PDZD2: variants seen among roughly 807,000 people sequenced by gnomAD.
PDZD2 encodes PDZ domain containing 2, also known as PDZ domain-containing protein 2.
In PDZD2, 90 loss-of-function variants were observed where a neutral mutation model predicts 220.7. The observed-to-expected ratio is 0.41, with a 90% confidence interval of 0.34 to 0.49. The LOEUF is 0.49. PDZD2 is among the 20% of genes least tolerant of loss of function. The pLI is 0.28. For missense variants in PDZD2, 3,174 were observed against 3,608.5 expected (o/e 0.88, Z 3.08); for synonymous variants, 1,375 against 1,450.5 (o/e 0.95, Z 1.18).
chr5:32,076,738 T>C lies in PDZD2; in HGVS notation c.3538-724T>C, dbSNP rs1741340761. ...CACCTCTGTCTAGTTCTGAAACTCC[T>C]CTACTGTTTTTATGTTACATTTGTG... On this transcript the variant is annotated intron_variant, in intron 18 of 24. Transcript: ENST00000438447. Among the ~76,000 whole-genome samples, 5 of 152,226 alleles carry C rather than the reference T, an allele frequency of 3.3e-5. No homozygotes were observed. In the South Asian group the frequency reaches 1.0e-3, roughly 32 times the overall value.
Position 31,799,489 on chromosome 5 carries a change from G to A in PDZD2, c.241G>A (p.Glu81Lys). The A allele has an allele frequency of 1.2e-6, 2 of 1,614,232 alleles. No individual in the cohort carries two copies. The highest frequency in any genetic ancestry group is 1.7e-6 in the Non-Finnish European group (2 of 1,180,040). ...CCTCACCAAGGAGCTGGGGGACACA[G>A]AGACTGTGGGCCTGAGTTTTGGGAA... ...VYLTKELGDT[E>K]TVGLSFGNIP... Residue 81 changes from glutamate to lysine, a missense_variant, in exon 2 of 25, where the codon GAG becomes AAG. By Grantham distance (56) the Glu-to-Lys change is moderately conservative. Coordinates refer to ENST00000438447, the MANE Select transcript of PDZD2 (RefSeq NM_178140.4).
intron 1 of PDZD2, among the ~76,000 whole-genome samples, chr5:31,792,333 T>C (rs1753775592): frequency 6.6e-6 from 1 of 152,178 alleles, no homozygotes; most frequent in Non-Finnish European, 1.5e-5. Context: ...GTCCAATGGG[T>C]CTGGGTTCTA....
chr5:32,048,521 C>T lies in PDZD2; in HGVS notation c.1520-18C>T. 1 of 1,608,574 alleles carries T rather than the reference C, an allele frequency of 6.2e-7. No individual in the cohort carries two copies. The highest frequency in any genetic ancestry group is 8.5e-7 in the Non-Finnish European group (1 of 1,175,134). On this transcript the variant is annotated intron_variant, in intron 7 of 24. Transcript: ENST00000438447. ...TTTGTCCCATATCAAACTATGTTTT[C>T]TCCTCTGTTTTCTCAAGGGGGTGTA...
At chr5:31,756,494 C>A (rs983701292) in intron 1 of PDZD2, among the ~76,000 whole-genome samples, 2 of 152,328 alleles carry the variant, frequency 1.3e-5, no homozygotes, top group Non-Finnish European at 1.5e-5. Flanking sequence ...CTTGGGCCCA[C>A]AAGAAGTCCT....
intron 12 of PDZD2, among the ~76,000 whole-genome samples, chr5:32,058,698 C>T (rs1462293412): frequency 6.7e-6 from 1 of 149,178 alleles, no homozygotes; most frequent in Non-Finnish European, 1.5e-5. Flanking sequence ...AAAAAATTCA[C>T]CGGTGAGCTT....
chr5:32,086,843 ATT>A (rs10710224), intron 19 of PDZD2, among the ~76,000 whole-genome samples: 1,825 of 85,208 alleles, frequency 0.021, 43 homozygotes, highest in African/African-American at 0.061. Flanking sequence ...TGCCCAGCTA[ATT>A]TTTTTTTTTT....
At chr5:31,677,207 C>T (rs556817572) in intron 1 of PDZD2, among the ~76,000 whole-genome samples, 3 of 152,262 alleles carry the variant, frequency 2.0e-5, no homozygotes, top group South Asian at 2.1e-4. Context: ...GGAATGACAG[C>T]GGATTATTGT....
chr5:31,669,980 A>G (rs376274076), intron 1 of PDZD2, among the ~76,000 whole-genome samples: 7 of 152,324 alleles, frequency 4.6e-5, no homozygotes, highest in African/African-American at 1.7e-4. Flanking sequence ...CCCTGCAAGC[A>G]GGCACTATTA....
chr5:31,944,035 TG>T (rs1212849268), intron 2 of PDZD2, among the ~76,000 whole-genome samples: 5 of 152,242 alleles, frequency 3.3e-5, no homozygotes, highest in African/African-American at 1.2e-4. Flanking sequence ...TCAGTTAGTC[TG>T]TTTAGCAACT....
At chr5:31,869,549 G>A (rs902540276) in intron 2 of PDZD2, among the ~76,000 whole-genome samples, 1 of 151,948 alleles carries the variant, frequency 6.6e-6, no homozygotes, top group South Asian at 2.1e-4. Context: ...GGGCGACAGA[G>A]CGAGACTCTG....
chr5:31,932,639 T>A (rs1251468870), intron 2 of PDZD2, among the ~76,000 whole-genome samples: 1 of 152,194 alleles, frequency 6.6e-6, no homozygotes, highest in African/African-American at 2.4e-5. Flanking sequence ...TTTAATAAAT[T>A]TAAATGTATA....
chr5:31,912,130 A>G (rs1743261904), intron 2 of PDZD2, among the ~76,000 whole-genome samples: 2 of 152,316 alleles, frequency 1.3e-5, no homozygotes, highest in South Asian at 4.1e-4. Flanking sequence ...AACAAATACC[A>G]TAAATGAGAC....
rs1743916582 is a variant in PDZD2 at position 32,098,279 on chromosome 5, A to C, written c.7948-85A>C. 1.2e-5 allele frequency: 16 copies of C among 1,311,136 alleles called. No homozygotes were observed. The highest frequency in any genetic ancestry group is 5.5e-5 in the South Asian group (4 of 73,238). 81.2% of individuals were successfully genotyped at this position (1,311,136 alleles called of 1,614,324 possible). ...TAAAAAAGGAAGGTTCCTTTACTAC[A>C]GATACGCAGTTAGTTACTATCTCCC... On this transcript the variant is annotated intron_variant, in intron 22 of 24. Coordinates refer to ENST00000438447, the MANE Select transcript of PDZD2 (RefSeq NM_178140.4). This position sits in a 1 kb window ranked among gnomAD's most constrained non-coding sequence, Gnocchi z 4.1.
chr5:32,088,687 T>C lies in PDZD2; in HGVS notation c.5239T>C (p.Tyr1747His), dbSNP rs781021130. Residue 1747 changes from tyrosine (Y) to histidine (H), a missense_variant, in exon 20 of 25, where the codon TAC becomes CAC. This residue lies in a region of PDZD2 where 1,861 missense variants were observed against 2,001.0 expected (regional missense o/e 0.93). Transcript: ENST00000438447. This position sits in a 1 kb window ranked among gnomAD's most constrained non-coding sequence, Gnocchi z 4.6. The part of the protein sequence containing the change: ...DLLDDETLNQ[Y>H]ETSINAAASL... ...GCTAGATGACGAAACCCTGAATCAA[T>C]ACGAAACAAGCATTAATGCAGCTGC... 21 of 1,613,796 alleles carry C rather than the reference T, an allele frequency of 1.3e-5. No homozygotes were observed. Among genetic ancestry groups the C allele is most frequent in the Non-Finnish European group, 1.7e-5 (20 of 1,179,908 alleles).
intron 2 of PDZD2, among the ~76,000 whole-genome samples, chr5:31,808,019 C>G (rs750903688): frequency 2.0e-4 from 30 of 152,160 alleles, no homozygotes; most frequent in Non-Finnish European, 3.4e-4. Flanking sequence ...AGATTTTAAA[C>G]AGTGTCAAGA....
chr5:31,830,808 A>T (rs927122828), intron 2 of PDZD2, among the ~76,000 whole-genome samples: 3 of 152,214 alleles, frequency 2.0e-5, no homozygotes, highest in Non-Finnish European at 4.4e-5. Context: ...TAGAAAGGAC[A>T]CTTCTTGAGA....
In PDZD2 at chr5:32,072,179, T is replaced by A; in HGVS notation, c.2587T>A (p.Ser863Thr). The A allele has an allele frequency of 1.2e-6, 2 of 1,611,080 alleles. No individual in the cohort carries two copies. The highest frequency in any genetic ancestry group is 8.5e-7 in the Non-Finnish European group (1 of 1,178,600). The change falls in exon 17 of 25, where the codon TCT (serine) becomes ACT (threonine). Residue 863 changes from serine (S) to threonine (T), a missense_variant. Physicochemically the swap from Ser to Thr is moderately conservative, Grantham distance 58. This residue lies in a region of PDZD2 where 1,861 missense variants were observed against 2,001.0 expected (regional missense o/e 0.93). Transcript: ENST00000438447. ...TCAACAGGACTCCCTTATTTCTGAA[T>A]CTGAACTCTCCCAGTACTTTGCCCA... ...LAKKDSLISESELSQYFAHDV... is the reference protein window; with the variant it reads ...LAKKDSLISETELSQYFAHDV...
intron 2 of PDZD2, among the ~76,000 whole-genome samples, chr5:31,881,921 G>A (rs1323225352): frequency 1.3e-5 from 2 of 151,882 alleles, no homozygotes; most frequent in African/African-American, 2.4e-5. Flanking sequence ...GTTTCTCCAC[G>A]TTGGCCAGGC....
At chr5:31,861,162 C>T (rs1336889780) in intron 2 of PDZD2, among the ~76,000 whole-genome samples, 4 of 152,172 alleles carry the variant, frequency 2.6e-5, no homozygotes, top group Admixed American at 6.5e-5. Flanking sequence ...GGCATCTTGT[C>T]TCCAGCCTTA....
Sources: gnomAD v4.1 joint callset for allele counts (sites outside exome capture counted in the v4.1 genomes callset) on GRCh38, gnomAD v4.1.1 for gene constraint, gnomAD v4.1.1 regional missense constraint, Gnocchi (gnomAD v3.1) non-coding constraint, MANE v1.5 for transcripts, NCBI Gene and HGNC (gene_info 2026-07-23, HGNC 2026-07-21) for gene names.